The following ZSCAN25 variants were observed in gnomAD, a reference collection of about 807,000 sequenced individuals.
ZSCAN25 encodes the protein zinc finger and SCAN domain containing 25.
A neutral mutation model predicts 38.7 loss-of-function variants in ZSCAN25; 27 were observed. That is an observed-to-expected ratio of 0.70 (90% CI 0.51 to 0.96). ZSCAN25 has a LOEUF of 0.96. ZSCAN25 is among the 40% of genes least tolerant of loss of function. The pLI, the probability that ZSCAN25 is intolerant of heterozygous loss-of-function variation, is 0.00. For missense variants in ZSCAN25, 637 were observed against 705.9 expected, an observed-to-expected ratio of 0.90 and a Z score of 1.11; for synonymous variants, 273 against 277.7, an observed-to-expected ratio of 0.98 and a Z score of 0.17.
At chr7:99,723,188 G>A in the ZSCAN25 span, among the ~76,000 whole-genome samples, 1 of 152,178 alleles carries the variant, frequency 6.6e-6, no homozygotes, top group Non-Finnish European at 1.5e-5. Flanking sequence ...GGTACATCCA[G>A]ATGGCCTGAG....
the ZSCAN25 span, chr7:99,684,859 A>C: frequency 4.2e-6 from 1 of 235,926 alleles, no homozygotes; most frequent in African/African-American, 2.3e-5. Flanking sequence ...GGAGGAGTTA[A>C]TGGTGCTAAC....
At chr7:99,725,273 A>G in the ZSCAN25 span, among the ~76,000 whole-genome samples, 2 of 152,142 alleles carry the variant, frequency 1.3e-5, no homozygotes, top group African/African-American at 2.4e-5. Flanking sequence ...TATGCATTTT[A>G]TGACCCAATC....
chr7:99,652,490 G>A, the ZSCAN25 span: 1 of 1,039,016 alleles, frequency 9.6e-7, no homozygotes, highest in East Asian at 2.4e-5. Context: ...TAGATTAAGA[G>A]AGGCAGAATA....
the ZSCAN25 span, among the ~76,000 whole-genome samples, chr7:99,650,911 C>A: frequency 1.3e-5 from 2 of 152,144 alleles, no homozygotes; most frequent in Non-Finnish European, 1.5e-5. Context: ...TTCCATTAAG[C>A]TATAAATTCT....
chr7:99,679,602 C>T, the ZSCAN25 span, among the ~76,000 whole-genome samples: 4 of 152,152 alleles, frequency 2.6e-5, no homozygotes, highest in African/African-American at 9.7e-5. Context: ...TGTCCCTAAA[C>T]CCTCCTAGTC....
chr7:99,678,846 T>G, the ZSCAN25 span, among the ~76,000 whole-genome samples: 1 of 152,184 alleles, frequency 6.6e-6, no homozygotes, highest in Non-Finnish European at 1.5e-5. Flanking sequence ...AAAAGTCAAA[T>G]TGAGGTAGAA....
At chr7:99,645,151 C>T in the ZSCAN25 span, among the ~76,000 whole-genome samples, 1 of 152,174 alleles carries the variant, frequency 6.6e-6, no homozygotes, top group African/African-American at 2.4e-5. Flanking sequence ...CCACCACATG[C>T]AGCTAATTTT....
At chr7:99,736,670 TTC>T in the ZSCAN25 span, among the ~76,000 whole-genome samples, 56 of 152,328 alleles carry the variant, frequency 3.7e-4, no homozygotes, top group African/African-American at 1.2e-3. Context: ...GTTCACTTCC[TTC>T]TCTCTTTATT....
the ZSCAN25 span, among the ~76,000 whole-genome samples, chr7:99,734,363 G>T: frequency 8.3e-4 from 126 of 152,274 alleles, no homozygotes; most frequent in Admixed American, 2.7e-3. Flanking sequence ...CTGGTGAGAA[G>T]ATTCACCCTC....
At chr7:99,622,457 G>GT in intron 5 of ZSCAN25, 92 bp from the exon 6 acceptor site, 1 of 1,159,716 alleles carries the variant, frequency 8.6e-7, no homozygotes, top group Non-Finnish European at 1.3e-6. Context: ...TCCTGAGGTT[G>GT]TGAGCATCTG....
At chr7:99,656,954 A>G in the ZSCAN25 span, among the ~76,000 whole-genome samples, 2 of 151,916 alleles carry the variant, frequency 1.3e-5, no homozygotes, top group African/African-American at 2.4e-5. Flanking sequence ...TATTGCATCT[A>G]TTTGATTCTT....
chr7:99,680,278 A>G, the ZSCAN25 span, among the ~76,000 whole-genome samples: 1 of 151,882 alleles, frequency 6.6e-6, no homozygotes, highest in African/African-American at 2.4e-5. Flanking sequence ...ATCCATCCTC[A>G]CAAGCCACAC....
the ZSCAN25 span, chr7:99,650,021 A>C: frequency 6.3e-7 from 1 of 1,595,152 alleles, no homozygotes; most frequent in Non-Finnish European, 8.6e-7. Flanking sequence ...TAAAAAATAT[A>C]TACCCTTCAG....
chr7:99,634,866 C>CG (rs1275322216), downstream of ZSCAN25, among the ~76,000 whole-genome samples: 4 of 151,954 alleles, frequency 2.6e-5, no homozygotes, highest in African/African-American at 9.7e-5. Flanking sequence ...CACTTGAACC[C>CG]GGGGGGCGGA....
the ZSCAN25 span, chr7:99,650,379 G>C: frequency 1.4e-6 from 1 of 715,624 alleles, no homozygotes; most frequent in East Asian, 2.6e-5. Context: ...TTGAAATCCT[G>C]CTTTGGTTAT....
chr7:99,648,057 C>T, the ZSCAN25 span: 1 of 1,109,872 alleles, frequency 9.0e-7, no homozygotes, highest in Non-Finnish European at 1.1e-6. Flanking sequence ...AGAGGTAGTC[C>T]TATGAGAAGC....
At chr7:99,722,739 G>C in the ZSCAN25 span, among the ~76,000 whole-genome samples, 1 of 152,172 alleles carries the variant, frequency 6.6e-6, no homozygotes, top group Non-Finnish European at 1.5e-5. Context: ...AGAAGGGAAC[G>C]TGCAGTCTTT....
chr7:99,630,519 C>A lies in ZSCAN25; in HGVS notation c.*499C>A, dbSNP rs1807915772. ...GAATGAGAGACTAGACGTGATGCCT[C>A]TGGGGGTTGTGCGTTGGGGATGCAT... On this transcript the variant is annotated 3_prime_UTR_variant, in exon 8 of 8. Coordinates refer to ENST00000394152, the MANE Select transcript of ZSCAN25 (RefSeq NM_145115.3). 1 of 991,828 alleles carries A rather than the reference C, an allele frequency of 1.0e-6. No homozygotes were observed. The highest frequency in any genetic ancestry group is 5.7e-5 in the Admixed American group (1 of 17,506). The allele number at this position is 991,828 out of a possible 1,614,324, so 61.4% of individuals were successfully genotyped here.
chr7:99,622,589 G>T lies in ZSCAN25; in HGVS notation c.630G>T (p.Val210=). Reference sequence around the variant, plus strand: ...AGGCGGGTCCTGGCCTCCCCGCAGTGAATCCCAGAGACCAAGAGATGGCAG... The same window carrying T: ...AGGCGGGTCCTGGCCTCCCCGCAGTTAATCCCAGAGACCAAGAGATGGCAG... ...VLQAGPGLPA[V]NPRDQEMAAG... Residue 210 remains valine (V), a synonymous_variant, in exon 6 of 8, where the codon GTG becomes GTT. Coordinates refer to ENST00000394152, the MANE Select transcript of ZSCAN25 (RefSeq NM_145115.3). The T allele has an allele frequency of 1.2e-6, 2 of 1,614,180 alleles. No individual in the cohort carries two copies. The highest frequency in any genetic ancestry group is 2.2e-5 in the South Asian group (2 of 91,076).
Sources: allele counts gnomAD v4.1 joint callset (sites outside exome capture counted in the v4.1 genomes callset), GRCh38; gene constraint gnomAD v4.1.1; transcripts MANE v1.5; gene names NCBI Gene and HGNC (gene_info 2026-07-23, HGNC 2026-07-21).